Variants in APOBEC1 observed in about 807,000 individuals in gnomAD.
APOBEC1 encodes the protein C->U-editing enzyme APOBEC-1.
APOBEC1 carries 22 observed loss-of-function variants against 26.3 expected under a neutral mutation model. The observed-to-expected ratio is 0.84, with a 90% CI of 0.60 to 1.19. The LOEUF (loss-of-function observed/expected upper bound fraction) is 1.19. Among genes scored for constraint, APOBEC1 ranks in the 50% most tolerant of loss-of-function variants. The probability of loss-of-function intolerance (pLI) is 0.00; values close to 1 mark genes in which losing one functional copy is unlikely to be tolerated. For missense variants in APOBEC1, 253 were observed against 289.0 expected (o/e 0.88, Z 0.90); for synonymous variants, 77 against 95.3 (o/e 0.81, Z 1.12).
intron 1 of APOBEC1, among the ~76,000 whole-genome samples, chr12:7,659,652 T>G (rs1863775826): frequency 1.3e-5 from 2 of 152,046 alleles, no homozygotes; most frequent in Admixed American, 1.3e-4. Context: ...GTTTGCAAAT[T>G]TATTTTAAAA....
In APOBEC1 at chr12:7,658,781, C is replaced by T. The variant is rs780179396; in HGVS notation, c.17-4149G>A. Among the ~76,000 whole-genome samples, 208 of 146,900 alleles carry T rather than the reference C, an allele frequency of 1.4e-3. 1 individual carries two copies. Among genetic ancestry groups the T allele is most frequent in the Middle Eastern group, 7.5e-3 (2 of 266 alleles). Reference sequence around the variant, plus strand: ...CAGCCTGACCAACATGGCGAAACCCCGTCTCTACTAAAAATACAAAAATTA... The same window carrying T: ...CAGCCTGACCAACATGGCGAAACCCTGTCTCTACTAAAAATACAAAAATTA... On this transcript the variant is annotated intron_variant, in intron 1 of 4. Transcript: ENST00000229304.
chr12:7,658,355 T>G (rs1277765354), intron 1 of APOBEC1, among the ~76,000 whole-genome samples: 1 of 152,198 alleles, frequency 6.6e-6, no homozygotes, highest in Admixed American at 6.5e-5. Context: ...TGAGCCACCG[T>G]GCCCGGCCAA....
At chr12:7,656,302 G>A (rs753054417) in intron 1 of APOBEC1, among the ~76,000 whole-genome samples, 8 of 152,250 alleles carry the variant, frequency 5.3e-5, no homozygotes, top group South Asian at 4.1e-4. Context: ...GTGTCACTCC[G>A]TGGAAGAAAG....
chr12:7,658,099 C>T (rs1863741190), intron 1 of APOBEC1, among the ~76,000 whole-genome samples: 1 of 151,232 alleles, frequency 6.6e-6, no homozygotes, highest in South Asian at 2.1e-4. Flanking sequence ...AACCTCACTC[C>T]ACCACCCAGG....
chr12:7,652,881 G>C (rs1489259397), intron 2 of APOBEC1, 46 bp from the exon 3 acceptor site: 7 of 1,385,476 alleles, frequency 5.1e-6, no homozygotes, highest in Non-Finnish European at 5.6e-6. Flanking sequence ...CATTTAGAGA[G>C]ATCTTAGAAA....
At chr12:7,664,641 A>C (rs1039300216) in intron 1 of APOBEC1, among the ~76,000 whole-genome samples, 3 of 152,142 alleles carry the variant, frequency 2.0e-5, no homozygotes, top group African/African-American at 7.2e-5. Context: ...CTGGCCTGGC[A>C]TGGTGGCTTA....
At chr12:7,660,488 C>T (rs1863801833) in intron 1 of APOBEC1, among the ~76,000 whole-genome samples, 1 of 151,308 alleles carries the variant, frequency 6.6e-6, no homozygotes, top group Non-Finnish European at 1.5e-5. Context: ...GGGTGGATCA[C>T]CTGAGGGTCA....
At chr12:7,664,445 A>G (rs1306360607) in intron 1 of APOBEC1, among the ~76,000 whole-genome samples, 2 of 152,226 alleles carry the variant, frequency 1.3e-5, no homozygotes, top group Admixed American at 6.6e-5. Flanking sequence ...CCTCTATAGT[A>G]TAATAACACT....
In APOBEC1 at chr12:7,660,412, G is replaced by GAAAGAAAGAAAGAAAGAAAGAA. The variant is rs201225005; in HGVS notation, c.16+5444_16+5445insTTCTTTCTTTCTTTCTTTCTTT. ...AGAAAGAAAGAAAGAAAGAAAGAAA[G>GAAAGAAAGAAAGAAAGAAAGAA]AGAGGGTATTTGGGCCAGGGACAGT... On this transcript the variant is annotated intron_variant, in intron 1 of 4. Coordinates refer to ENST00000229304, the MANE Select transcript of APOBEC1 (RefSeq NM_001644.5). Among the ~76,000 whole-genome samples the GAAAGAAAGAAAGAAAGAAAGAA allele has an allele frequency of 3.3e-3, 404 of 121,842 alleles. 26 individuals carry two copies. The highest frequency in any genetic ancestry group is 0.012 in the East Asian group (50 of 4,172). The allele number at this position is 121,842 out of a possible 152,430, so 79.9% of individuals were successfully genotyped here. A position where few individuals can be genotyped will look rare whatever the true frequency, so the allele number is the denominator to read the frequency against.
upstream of APOBEC1, among the ~76,000 whole-genome samples, chr12:7,666,077 A>G (rs1863889112): frequency 6.6e-6 from 1 of 152,094 alleles, no homozygotes; most frequent in Non-Finnish European, 1.5e-5. Context: ...TTGCATCTTT[A>G]GTGATGAGAA....
At chr12:7,668,703 A>T (rs752327830), upstream of APOBEC1, among the ~76,000 whole-genome samples, 11 of 152,010 alleles carry the variant, frequency 7.2e-5, no homozygotes, top group Non-Finnish European at 1.6e-4. Flanking sequence ...GATATTTAAA[A>T]TTCCCATCAC....
At chr12:7,660,402 A>C (rs1418417354) in intron 1 of APOBEC1, among the ~76,000 whole-genome samples, 1 of 115,176 alleles carries the variant, frequency 8.7e-6, no homozygotes, top group Non-Finnish European at 1.9e-5. Context: ...GAAAGAAAGA[A>C]AGAAAGAAAG....
At chr12:7,661,037 C>CAAAA (rs764452957) in intron 1 of APOBEC1, among the ~76,000 whole-genome samples, 5 of 91,054 alleles carry the variant, frequency 5.5e-5, no homozygotes, top group African/African-American at 1.9e-4. Context: ...ACTAAAAATA[C>CAAAA]AAAAAAAAAA....
At chr12:7,663,259 A>C (rs1863845426) in intron 1 of APOBEC1, among the ~76,000 whole-genome samples, 1 of 152,110 alleles carries the variant, frequency 6.6e-6, no homozygotes, top group Non-Finnish European at 1.5e-5. Flanking sequence ...ATGCATTTGC[A>C]CTGGATGGTA....
In APOBEC1 at chr12:7,660,376, G is replaced by GAAGGAAGGAAGGAAGGAAAGAAAGAA. The variant is rs1290120140; in HGVS notation, c.16+5480_16+5481insTTCTTTCTTTCCTTCCTTCCTTCCTT. Among the ~76,000 whole-genome samples the GAAGGAAGGAAGGAAGGAAAGAAAGAA allele has an allele frequency of 5.4e-3, 330 of 60,720 alleles. 5 individuals carry two copies. Among genetic ancestry groups the GAAGGAAGGAAGGAAGGAAAGAAAGAA allele is most frequent in the Non-Finnish European group, 8.6e-3 (210 of 24,392 alleles). The allele number at this position is 60,720 out of a possible 152,430, so 39.8% of individuals were successfully genotyped here. Reference sequence around the variant, plus strand: ...GGAAGGAAGGAAGGAAGGAAGGAAGGAAAGAAAGAAAGAAAGAAAGAAAGA... The same window carrying GAAGGAAGGAAGGAAGGAAAGAAAGAA: ...GGAAGGAAGGAAGGAAGGAAGGAAGGAAGGAAGGAAGGAAGGAAAGAAAGAAAAAGAAAGAAAGAAAGAAAGAAAGA... On this transcript the variant is annotated intron_variant, in intron 1 of 4. Transcript: ENST00000229304.
chr12:7,653,978 A>G (rs562741927), intron 2 of APOBEC1, among the ~76,000 whole-genome samples: 2 of 152,132 alleles, frequency 1.3e-5, no homozygotes, highest in Non-Finnish European at 2.9e-5. Flanking sequence ...AATAGTTCCC[A>G]CTCATCCCTA....
In APOBEC1 at chr12:7,660,363, G is replaced by GAAAGAAAAAGAAAGAAA. The variant is rs1565442332; in HGVS notation, c.16+5493_16+5494insTTTCTTTCTTTTTCTTT. Among the ~76,000 whole-genome samples the GAAAGAAAAAGAAAGAAA allele has an allele frequency of 1.4e-3, 10 of 6,918 alleles. 1 individual carries two copies. Among genetic ancestry groups the GAAAGAAAAAGAAAGAAA allele is most frequent in the African/African-American group, 2.4e-3 (9 of 3,818 alleles). The allele number at this position is 6,918 out of a possible 152,430, so 4.5% of individuals were successfully genotyped here. Reference sequence around the variant, plus strand: ...AGGAAGGAAGGAAGGAAGGAAGGAAGGAAGGAAGGAAGGAAAGAAAGAAAG... The same window carrying GAAAGAAAAAGAAAGAAA: ...AGGAAGGAAGGAAGGAAGGAAGGAAGAAAGAAAAAGAAAGAAAGAAGGAAGGAAGGAAAGAAAGAAAG... On this transcript the variant is annotated intron_variant, in intron 1 of 4. Coordinates refer to ENST00000229304, the MANE Select transcript of APOBEC1 (RefSeq NM_001644.5).
chr12:7,666,772 G>A (rs999775960), upstream of APOBEC1, among the ~76,000 whole-genome samples: 2 of 152,076 alleles, frequency 1.3e-5, no homozygotes, highest in South Asian at 2.1e-4. Context: ...TCCTACATCC[G>A]TGTTGGAGAG....
upstream of APOBEC1, chr12:7,665,937 T>C (rs1321524137): frequency 6.3e-7 from 1 of 1,592,730 alleles, no homozygotes; most frequent in African/African-American, 1.3e-5. Context: ...CTGGACTTTG[T>C]TGCTTCAGGT....
Sources: gnomAD v4.1 joint callset for allele counts (sites outside exome capture counted in the v4.1 genomes callset) on GRCh38, gnomAD v4.1.1 for gene constraint, MANE v1.5 for transcripts, NCBI Gene and HGNC (gene_info 2026-07-23, HGNC 2026-07-21) for gene names.